The following FER variants were observed in gnomAD, a reference collection of about 807,000 sequenced individuals.
The protein encoded by FER is FER tyrosine kinase, also known as tyrosine-protein kinase Fer.
A neutral mutation model predicts 111.0 loss-of-function variants in FER; 63 were observed. That is an observed-to-expected ratio of 0.57 (90% CI 0.46 to 0.70). The LOEUF is 0.70. Among genes scored for constraint, FER ranks in the 30% least tolerant of loss-of-function variants. The pLI, the probability that FER is intolerant of heterozygous loss-of-function variation, is 0.00. For synonymous variants in FER, 327 were observed against 313.9 expected (o/e 1.04, Z -0.44); for missense variants, 914 against 954.0 (o/e 0.96, Z 0.55).
rs542984447 is a variant in FER, at chr5:109,195,422, G to T, written c.*7847G>T. 6.6e-6 allele frequency: 1 copy of T among 152,178 alleles called. No homozygotes were observed. The highest frequency in any genetic ancestry group is 2.1e-4 in the South Asian group (1 of 4,814). 9.4% of individuals were successfully genotyped at this position (152,178 alleles called of 1,614,324 possible). On this transcript the variant is annotated 3_prime_UTR_variant, in exon 20 of 20. Transcript: ENST00000281092. ...TACAGAATATGTACATGTTCCAATG[G>T]AATTCACTATTTTTGGCTTTAGTGT...
chr5:109,187,425 G>T lies in FER; in HGVS notation c.2327-8G>T, dbSNP rs550168399. ...CTAAATTCTGTTCTCCTTCTCTTGG[G>T]TCTTCAGGATACCGGATGTCAGCTC... is the stretch of plus-strand genomic sequence containing the variant. On this transcript the variant is annotated splice_polypyrimidine_tract_variant and splice_region_variant and intron_variant, in intron 19 of 19. Transcript: ENST00000281092. 6.2e-7 allele frequency: 1 copy of T among 1,612,110 alleles called. No individual in the cohort carries two copies. The highest frequency in any genetic ancestry group is 1.1e-5 in the South Asian group (1 of 90,720).
At chr5:109,135,619 A>G (rs1752805208) in intron 17 of FER, among the ~76,000 whole-genome samples, 1 of 152,170 alleles carries the variant, frequency 6.6e-6, no homozygotes, top group Non-Finnish European at 1.5e-5. Context: ...TGGGGGCAAT[A>G]GACTATAGCC....
At chr5:108,944,142 A>ACACAC (rs1756664155) in intron 10 of FER, among the ~76,000 whole-genome samples, 3 of 137,786 alleles carry the variant, frequency 2.2e-5, no homozygotes, top group South Asian at 2.4e-4. Context: ...CACACACACA[A>ACACAC]ACACACACAC....
At chr5:109,102,278 A>G (rs530849895) in intron 17 of FER, among the ~76,000 whole-genome samples, 269 of 152,186 alleles carry the variant, frequency 1.8e-3, no homozygotes, top group South Asian at 3.7e-3. Context: ...TTGACCACAT[A>G]TCCTAGCAGG....
At chr5:109,110,866 G>C (rs960509619) in intron 17 of FER, among the ~76,000 whole-genome samples, 3 of 152,068 alleles carry the variant, frequency 2.0e-5, no homozygotes, top group African/African-American at 4.8e-5. Flanking sequence ...ATAACTCATA[G>C]CTTCTTTTCT....
chr5:108,969,194 T>C (rs1026163402), intron 13 of FER, among the ~76,000 whole-genome samples: 8 of 152,176 alleles, frequency 5.3e-5, no homozygotes, highest in Admixed American at 3.9e-4. Flanking sequence ...ACTTATCCTT[T>C]AGTTCTATGC....
At chr5:109,094,889 A>G (rs1037635632) in intron 16 of FER, among the ~76,000 whole-genome samples, 5 of 152,184 alleles carry the variant, frequency 3.3e-5, no homozygotes, top group African/African-American at 1.2e-4. Flanking sequence ...AGTCCCTTCT[A>G]ATGCAAACAT....
intron 5 of FER, among the ~76,000 whole-genome samples, chr5:108,843,463 G>C (rs1336918117): frequency 6.6e-6 from 1 of 151,280 alleles, no homozygotes; most frequent in Non-Finnish European, 1.5e-5. Flanking sequence ...TCTTTTGTTT[G>C]GTAAATGCCA....
At chr5:109,178,356 A>G (rs574919417) in intron 17 of FER, among the ~76,000 whole-genome samples, 12 of 152,350 alleles carry the variant, frequency 7.9e-5, no homozygotes, top group African/African-American at 2.9e-4. Context: ...CCTCTCATAG[A>G]ACCGTGATTC....
chr5:108,851,239 A>C (rs1195229958), intron 5 of FER, among the ~76,000 whole-genome samples: 1 of 152,260 alleles, frequency 6.6e-6, no homozygotes, highest in Non-Finnish European at 1.5e-5. Context: ...CAATCGTGGC[A>C]GAAGGCAAGG....
At chr5:108,771,027 C>T (rs1226081099) in intron 2 of FER, among the ~76,000 whole-genome samples, 2 of 151,028 alleles carry the variant, frequency 1.3e-5, no homozygotes, top group East Asian at 3.9e-4. Context: ...ACCTCTGCCT[C>T]CCGGGTTCAA....
intron 13 of FER, among the ~76,000 whole-genome samples, chr5:109,004,684 T>C (rs1765264645): frequency 6.6e-6 from 1 of 152,160 alleles, no homozygotes; most frequent in African/African-American, 2.4e-5. Context: ...TTACAGAGCA[T>C]TATAGTGTTG....
At chr5:108,846,704 T>C (rs1580848869) in intron 5 of FER, among the ~76,000 whole-genome samples, 2 of 152,060 alleles carry the variant, frequency 1.3e-5, no homozygotes, top group African/African-American at 4.8e-5. Context: ...TGTCTCAGCC[T>C]CCCAAGTAGC....
intron 13 of FER, among the ~76,000 whole-genome samples, chr5:108,977,288 T>C (rs1761480465): frequency 6.6e-6 from 1 of 152,212 alleles, no homozygotes; most frequent in Admixed American, 6.5e-5. Flanking sequence ...ATTTTAACTT[T>C]TTATAATAGG....
At chr5:109,016,305 G>A (rs1455281514) in intron 13 of FER, among the ~76,000 whole-genome samples, 1 of 151,976 alleles carries the variant, frequency 6.6e-6, no homozygotes, top group African/African-American at 2.4e-5. Context: ...AAGATGACAA[G>A]GCCAGGTGAC....
intron 13 of FER, among the ~76,000 whole-genome samples, chr5:108,985,218 A>G (rs369154886): frequency 1.2e-4 from 19 of 152,188 alleles, no homozygotes; most frequent in South Asian, 2.1e-4. Context: ...TGACAATTCA[A>G]TGTAACCATA....
At position 109,192,361 on chromosome 5, in the gene FER, A is replaced by G. The variant is rs754831277; in HGVS notation, c.*4786A>G. The G allele has an allele frequency of 5.3e-5, 8 of 152,324 alleles. No homozygotes were observed. Among genetic ancestry groups the G allele is most frequent in the African/African-American group, 9.6e-5 (4 of 41,572 alleles). The allele number at this position is 152,324 out of a possible 1,614,324, so 9.4% of individuals were successfully genotyped here. A position where few individuals can be genotyped will look rare whatever the true frequency, so the allele number is the denominator to read the frequency against. ...ATGCTACAAGGCCAGATCCTGTCCT[A>G]TGGAAAATAAAAAAGATCAGCAGAA... On this transcript the variant is annotated 3_prime_UTR_variant, in exon 20 of 20. Transcript: ENST00000281092.
intron 8 of FER, among the ~76,000 whole-genome samples, chr5:108,883,019 T>C (rs1765826396): frequency 6.6e-6 from 1 of 151,972 alleles, no homozygotes; most frequent in Non-Finnish European, 1.5e-5. Context: ...GAAGAGTAAA[T>C]GAGATAACAT....
At chr5:109,093,232 C>T (rs1041524954) in intron 16 of FER, among the ~76,000 whole-genome samples, 1 of 152,062 alleles carries the variant, frequency 6.6e-6, no homozygotes, top group African/African-American at 2.4e-5. Flanking sequence ...ATTGTTAATA[C>T]AGTAAATTTA....
Sources: gnomAD v4.1 joint callset for allele counts (sites outside exome capture counted in the v4.1 genomes callset) on GRCh38, gnomAD v4.1.1 for gene constraint, MANE v1.5 for transcripts, NCBI Gene and HGNC (gene_info 2026-07-23, HGNC 2026-07-21) for gene names.